Variants in GULP1 observed in about 807,000 individuals in gnomAD.
The protein encoded by GULP1 is GULP PTB domain containing engulfment adaptor 1, also known as PTB domain-containing engulfment adapter protein 1.
In GULP1, 19 loss-of-function variants were observed where a neutral mutation model predicts 40.9. The ratio of observed to expected loss-of-function variants is 0.46; its 90% CI spans 0.32 to 0.68. GULP1 has a LOEUF of 0.68. Ranked by LOEUF, GULP1 falls within the 30% of genes least tolerant of loss-of-function variation. The pLI, the probability that GULP1 is intolerant of heterozygous loss-of-function variation, is 0.03. For missense variants in GULP1, 312 were observed against 362.2 expected (o/e 0.86, Z 1.12); for synonymous variants, 119 against 117.6 (o/e 1.01, Z -0.08).
At chr2:188,420,408 G>A (rs1205863920) in intron 2 of GULP1, among the ~76,000 whole-genome samples, 1 of 151,998 alleles carries the variant, frequency 6.6e-6, no homozygotes, top group Non-Finnish European at 1.5e-5. Flanking sequence ...TTATTTCTAA[G>A]TATTTTATTA....
chr2:188,337,342 G>T (rs182439858), intron 1 of GULP1, among the ~76,000 whole-genome samples: 19 of 151,368 alleles, frequency 1.3e-4, no homozygotes, highest in Admixed American at 1.3e-3. Flanking sequence ...GTTTCATCAT[G>T]TTGACCAGGC....
At chr2:188,303,272 A>G (rs2036466463) in intron 1 of GULP1, among the ~76,000 whole-genome samples, 1 of 152,230 alleles carries the variant, frequency 6.6e-6, no homozygotes. Context: ...GAATAACCCA[A>G]ATCTGAGAAT....
At chr2:188,343,745 G>A (rs1313519448) in intron 1 of GULP1, among the ~76,000 whole-genome samples, 2 of 152,132 alleles carry the variant, frequency 1.3e-5, no homozygotes, top group Non-Finnish European at 2.9e-5. Flanking sequence ...CACCTATACT[G>A]TGATCTAAGT....
chr2:188,412,377 T>C (rs2054010888), intron 2 of GULP1, among the ~76,000 whole-genome samples: 1 of 152,172 alleles, frequency 6.6e-6, no homozygotes, highest in Non-Finnish European at 1.5e-5. Flanking sequence ...TGTGATTTCA[T>C]CTTCACATCC....
intron 5 of GULP1, among the ~76,000 whole-genome samples, chr2:188,525,881 G>A (rs1327118775): frequency 6.6e-6 from 1 of 152,056 alleles, no homozygotes; most frequent in African/African-American, 2.4e-5. Flanking sequence ...AAAACATTTA[G>A]AGCTTAATTT....
intron 2 of GULP1, among the ~76,000 whole-genome samples, chr2:188,447,724 A>C (rs1173110675): frequency 6.6e-6 from 1 of 152,210 alleles, no homozygotes; most frequent in East Asian, 1.9e-4. Flanking sequence ...TGCTAGACAC[A>C]TGCTAGGTGC....
At chr2:188,499,164 T>TATATACAC (rs1283639051) in intron 4 of GULP1, among the ~76,000 whole-genome samples, 1 of 141,490 alleles carries the variant, frequency 7.1e-6, no homozygotes, top group African/African-American at 2.6e-5. Flanking sequence ...TATATATATA[T>TATATACAC]ATATATGAAC....
intron 1 of GULP1, among the ~76,000 whole-genome samples, chr2:188,310,380 A>G (rs2037880346): frequency 6.6e-6 from 1 of 152,224 alleles, no homozygotes; most frequent in Non-Finnish European, 1.5e-5. Context: ...AGGAGATTGA[A>G]GAAGAATGAA....
chr2:188,447,373 A>G (rs529871793), intron 2 of GULP1, among the ~76,000 whole-genome samples: 1 of 152,312 alleles, frequency 6.6e-6, no homozygotes, highest in South Asian at 2.1e-4. Context: ...TTTTCTGGTT[A>G]AATTTGGATT....
chr2:188,414,965 G>A (rs544876721), intron 2 of GULP1, among the ~76,000 whole-genome samples: 11 of 152,148 alleles, frequency 7.2e-5, no homozygotes, highest in Admixed American at 2.6e-4. Context: ...ATAATTTATG[G>A]CCTTATGGAA....
chr2:188,491,256 A>G (rs1419835829), intron 4 of GULP1, among the ~76,000 whole-genome samples: 2 of 151,996 alleles, frequency 1.3e-5, no homozygotes, highest in Non-Finnish European at 2.9e-5. Flanking sequence ...ACAGTTTTGG[A>G]GGAAAAAAAA....
intron 1 of GULP1, among the ~76,000 whole-genome samples, chr2:188,362,431 TA>T (rs1348540562): frequency 1.3e-5 from 2 of 152,116 alleles, no homozygotes; most frequent in Non-Finnish European, 2.9e-5. Flanking sequence ...TACTGACTTT[TA>T]TTTCTGCACG....
chr2:188,469,278 A>G (rs2060389018), intron 2 of GULP1, among the ~76,000 whole-genome samples: 1 of 152,184 alleles, frequency 6.6e-6, no homozygotes, highest in South Asian at 2.1e-4. Context: ...AGTGTCCTGC[A>G]TCTCATCTAA....
chr2:188,508,799 C>T (rs2064194373), intron 4 of GULP1, among the ~76,000 whole-genome samples: 1 of 152,030 alleles, frequency 6.6e-6, no homozygotes, highest in Admixed American at 6.6e-5. Flanking sequence ...ATAATACACA[C>T]CTGGACACAT....
In GULP1 at chr2:188,406,848, A is replaced by G. The variant is rs535053370; in HGVS notation, c.-45+22959A>G. Among the ~76,000 whole-genome samples the G allele has an allele frequency of 4.0e-4, 61 of 152,280 alleles. No individual in the cohort carries two copies. The South Asian group carries it at 7.9e-3, about 20-fold the overall frequency. ...AACTTATTTAAAGGAGAAGAAAAAG[A>G]CAAAGGGGAAGAAAACTTTCTAAGC... is the stretch of plus-strand genomic sequence containing the variant. On this transcript the variant is annotated intron_variant, in intron 2 of 11. Transcript: ENST00000409830.
intron 1 of GULP1, among the ~76,000 whole-genome samples, chr2:188,340,849 CTT>C (rs2042872417): frequency 1.3e-5 from 2 of 152,078 alleles, no homozygotes; most frequent in African/African-American, 4.8e-5. Flanking sequence ...GGAAAGTATT[CTT>C]CCCGTGAAGA....
intron 1 of GULP1, among the ~76,000 whole-genome samples, chr2:188,354,589 C>T (rs1046421994): frequency 2.0e-5 from 3 of 152,156 alleles, no homozygotes; most frequent in African/African-American, 7.2e-5. Flanking sequence ...AATAACTGCA[C>T]CCTGGAACCC....
rs56274020 is a variant in GULP1 at position 188,368,939 on chromosome 2, G to GTATATATATA, written c.-171-14794_-171-14785dup. On this transcript the variant is annotated intron_variant, in intron 1 of 11. Coordinates refer to ENST00000409830, the MANE Select transcript of GULP1 (RefSeq NM_016315.4). ...TATATATATGTATATATATATGTGTGTATATATATATATATATATATATAT... is the reference window on the plus strand; with the variant it reads ...TATATATATGTATATATATATGTGTGTATATATATATATATATATATATATATATATATAT... Among the ~76,000 whole-genome samples, 492 of 86,000 alleles carry GTATATATATA rather than the reference G, an allele frequency of 5.7e-3. 5 individuals carry two copies. The highest frequency in any genetic ancestry group is 8.6e-3 in the East Asian group (21 of 2,432). 56.4% of individuals were successfully genotyped at this position (86,000 alleles called of 152,430 possible). A position where few individuals can be genotyped will look rare whatever the true frequency, so the allele number is the denominator to read the frequency against.
At chr2:188,390,593 T>C (rs1448710520) in intron 2 of GULP1, among the ~76,000 whole-genome samples, 1 of 152,200 alleles carries the variant, frequency 6.6e-6, no homozygotes, top group Admixed American at 6.6e-5. Context: ...TTATTTCTTT[T>C]GCTGTATGGA....
Sources: allele counts gnomAD v4.1 joint callset (sites outside exome capture counted in the v4.1 genomes callset), GRCh38; gene constraint gnomAD v4.1.1; transcripts MANE v1.5; gene names NCBI Gene and HGNC (gene_info 2026-07-23, HGNC 2026-07-21).